CSNK1A1: variants seen among roughly 807,000 people sequenced by gnomAD.
The protein encoded by CSNK1A1 is casein kinase 1 alpha 1.
Under a neutral mutation model 46.1 loss-of-function variants are expected in CSNK1A1, and 7 were observed. The ratio of observed to expected loss-of-function variants is 0.15; its 90% confidence interval spans 0.09 to 0.29. The LOEUF (loss-of-function observed/expected upper bound fraction) is 0.29. Among genes scored for constraint, CSNK1A1 ranks in the 10% least tolerant of loss-of-function variants. CSNK1A1 has a pLI of 1.00. For missense variants in CSNK1A1, 96 were observed against 417.1 expected, an observed-to-expected ratio of 0.23 and a Z score of 6.71; for synonymous variants, 137 against 141.5, an observed-to-expected ratio of 0.97 and a Z score of 0.23.
intron 9 of CSNK1A1, chr5:149,499,093 G>C: frequency 4.1e-6 from 4 of 985,346 alleles, no homozygotes; most frequent in Non-Finnish European, 4.8e-6. Flanking sequence ...AGATGTTACT[G>C]AAGTATGTTT....
At chr5:149,518,740 A>G (rs1378168253) in intron 4 of CSNK1A1, among the ~76,000 whole-genome samples, 3 of 151,934 alleles carry the variant, frequency 2.0e-5, no homozygotes, top group African/African-American at 7.3e-5. Context: ...TCACCACTAG[A>G]TAACTTACAC....
chr5:149,533,619 G>A (rs1158698278), intron 2 of CSNK1A1, among the ~76,000 whole-genome samples: 6 of 151,130 alleles, frequency 4.0e-5, no homozygotes, highest in Non-Finnish European at 5.9e-5. Flanking sequence ...TATTTTCCCC[G>A]TAATACCCAA....
intron 2 of CSNK1A1, among the ~76,000 whole-genome samples, chr5:149,548,022 C>T (rs1280372115): frequency 6.6e-6 from 1 of 152,044 alleles, no homozygotes; most frequent in Non-Finnish European, 1.5e-5. Context: ...AGGCACGTGC[C>T]ACCATGCTCA....
chr5:149,494,382 C>T lies in CSNK1A1; in HGVS notation c.*2471G>A, dbSNP rs1760599925. On this transcript the variant is annotated 3_prime_UTR_variant, in exon 10 of 10. Coordinates refer to ENST00000377843, the MANE Select transcript of CSNK1A1 (RefSeq NM_001892.6). Reference sequence around the variant, plus strand: ...TATTTCTTGTTATACCTTCCCAAAACAGAGACATTCAACAGTAGTTAGAAT... The same window carrying T: ...TATTTCTTGTTATACCTTCCCAAAATAGAGACATTCAACAGTAGTTAGAAT... 6.6e-6 allele frequency: 1 copy of T among 152,116 alleles called. No individual in the cohort carries two copies. The highest frequency in any genetic ancestry group is 6.5e-5 in the Admixed American group (1 of 15,270). 9.4% of individuals were successfully genotyped at this position (152,116 alleles called of 1,614,324 possible).
intron 2 of CSNK1A1, among the ~76,000 whole-genome samples, chr5:149,549,843 A>G (rs1401962909): frequency 6.6e-6 from 1 of 152,216 alleles, no homozygotes; most frequent in African/African-American, 2.4e-5. Context: ...AGCCTCGGGA[A>G]GAGTGAGAAT....
chr5:149,501,624 T>A (rs1760859420), intron 9 of CSNK1A1: 1 of 985,098 alleles, frequency 1.0e-6, no homozygotes, highest in Admixed American at 6.1e-5. Flanking sequence ...GCTTAGTAAC[T>A]ATGGTTAGGG....
intron 3 of CSNK1A1, among the ~76,000 whole-genome samples, chr5:149,522,357 T>C (rs1354834620): frequency 1.3e-5 from 2 of 152,186 alleles, no homozygotes; most frequent in African/African-American, 4.8e-5. Flanking sequence ...GTGATCCTCC[T>C]GCTTCTGCCT....
At position 149,515,197 on chromosome 5, in the gene CSNK1A1, T is replaced by C. The variant is rs143914420; in HGVS notation, c.457-1988A>G. Among the ~76,000 whole-genome samples, 849 of 152,320 alleles carry C rather than the reference T, an allele frequency of 5.6e-3. 11 individuals are homozygous for C. Among genetic ancestry groups the C allele is most frequent in the African/African-American group, 0.019 (789 of 41,570 alleles). On this transcript the variant is annotated intron_variant, in intron 4 of 9. Coordinates refer to ENST00000377843, the MANE Select transcript of CSNK1A1 (RefSeq NM_001892.6). ...CATTGAATGAAGAGTGATTAGTACATAGAATTTCCTCCAGTTCACATTTTC... is the reference window on the plus strand; with the variant it reads ...CATTGAATGAAGAGTGATTAGTACACAGAATTTCCTCCAGTTCACATTTTC...
intron 2 of CSNK1A1, among the ~76,000 whole-genome samples, chr5:149,546,968 GT>G (rs925962319): frequency 1.7e-4 from 25 of 148,988 alleles, no homozygotes; most frequent in Non-Finnish European, 2.4e-4. Flanking sequence ...AGTGGAAACA[GT>G]TTTTTTTTTA....
chr5:149,495,193 T>C lies in CSNK1A1; in HGVS notation c.*1660A>G, dbSNP rs1760616811. ...AATGTGATAATCATGGAATTAATTA[T>C]TGCTAAAGTAGTTTTCAAATAAAAA... On this transcript the variant is annotated 3_prime_UTR_variant, in exon 10 of 10. Transcript: ENST00000377843. 6.6e-6 allele frequency: 1 copy of C among 152,130 alleles called. No individual in the cohort carries two copies. The highest frequency in any genetic ancestry group is 6.5e-5 in the Admixed American group (1 of 15,272). The allele number at this position is 152,130 out of a possible 1,614,324, so 9.4% of individuals were successfully genotyped here.
In CSNK1A1 at chr5:149,550,899, C is replaced by T. The variant is rs1233685085; in HGVS notation, c.66G>A (p.Lys22=). 2 of 1,614,208 alleles carry T rather than the reference C, an allele frequency of 1.2e-6. No individual in the cohort carries two copies. The highest frequency in any genetic ancestry group is 1.6e-4 in the Middle Eastern group (1 of 6,062). The change falls in exon 1 of 10, where the codon AAG becomes AAA. Residue 22 remains lysine (K), a synonymous_variant. Coordinates refer to ENST00000377843, the MANE Select transcript of CSNK1A1 (RefSeq NM_001892.6). The surrounding 1 kb of genome is among the most constrained non-coding windows in gnomAD (Gnocchi z 4.3). ...TGTCCCCGAAGGAGCCAGACCCGAT[C>T]TTCCGTACCAGTTTATATTTCCCTC... ...IVGGKYKLVR[K]IGSGSFGDIY... is the part of the protein sequence containing the mutation.
At chr5:149,500,721 CTGGCTGCTTGTGTGGTTCTGTT>C (rs934437426) in intron 9 of CSNK1A1, among the ~76,000 whole-genome samples, 4 of 151,826 alleles carry the variant, frequency 2.6e-5, no homozygotes, top group Non-Finnish European at 5.9e-5. Flanking sequence ...GCCACAGTGC[CTGGCTGCTTGTGTGGTTCTGTT>C]TGTTGCACAG....
chr5:149,524,736 T>C (rs560243086), intron 3 of CSNK1A1, among the ~76,000 whole-genome samples: 29 of 152,280 alleles, frequency 1.9e-4, no homozygotes, highest in Admixed American at 1.3e-3. Context: ...TATCAACAAT[T>C]ATATGCATAC....
intron 2 of CSNK1A1, among the ~76,000 whole-genome samples, chr5:149,534,287 TC>T (rs1045834510): frequency 6.6e-6 from 1 of 151,530 alleles, no homozygotes; most frequent in Non-Finnish European, 1.5e-5. Flanking sequence ...ATCGAGACCA[TC>T]CTGGCCAACA....
rs1264588542 is a variant in CSNK1A1 at position 149,497,205 on chromosome 5, AAC to A, written c.1007-347_1007-346del. On this transcript the variant is annotated intron_variant, in intron 9 of 9. Coordinates refer to ENST00000377843, the MANE Select transcript of CSNK1A1 (RefSeq NM_001892.6). ...TCACATATTTATCAAATCAATGAAA[AAC>A]AGATTGCTTTGCTTTAACTAAAGAA... 7 of 1,031,124 alleles carry A rather than the reference AAC, an allele frequency of 6.8e-6. No homozygotes were observed. In the African/African-American group the frequency reaches 6.8e-5, roughly 10 times the overall value. 63.9% of individuals were successfully genotyped at this position (1,031,124 alleles called of 1,614,324 possible).
At chr5:149,545,250 TTTTC>T (rs1291447289) in intron 2 of CSNK1A1, 22 of 215,818 alleles carry the variant, frequency 1.0e-4, no homozygotes, top group South Asian at 3.1e-4. Flanking sequence ...GGTCCAAGAA[TTTTC>T]TTTCTTTTTT....
intron 9 of CSNK1A1, among the ~76,000 whole-genome samples, chr5:149,500,725 C>CT (rs1203886503): frequency 1.3e-5 from 2 of 152,014 alleles, no homozygotes; most frequent in East Asian, 3.9e-4. Context: ...CAGTGCCTGG[C>CT]TGCTTGTGTG....
rs1029730103 is a variant in CSNK1A1, at chr5:149,502,107, C to T, written c.1006+3340G>A. 3.1e-6 allele frequency: 3 copies of T among 981,078 alleles called. No homozygotes were observed. The Admixed American group carries it at 1.8e-4, about 60-fold the overall frequency. The allele number at this position is 981,078 out of a possible 1,614,324, so 60.8% of individuals were successfully genotyped here. A position where few individuals can be genotyped will look rare whatever the true frequency, so the allele number is the denominator to read the frequency against. ...GCCCACATTAGCTAGATAAGCCAGA[C>T]TTAAAGAATCTTTAAACATTCTTAT... On this transcript the variant is annotated intron_variant, in intron 9 of 9. Coordinates refer to ENST00000377843, the MANE Select transcript of CSNK1A1 (RefSeq NM_001892.6).
rs188816772 is a variant in CSNK1A1 at position 149,512,123 on chromosome 5, C to T, written c.597-251G>A. On this transcript the variant is annotated intron_variant, in intron 5 of 9. Coordinates refer to ENST00000377843, the MANE Select transcript of CSNK1A1 (RefSeq NM_001892.6). The stretch of plus-strand genomic sequence containing the variant: ...CAATTTAATTTTAAAAGAACAGAAA[C>T]GATTTGGCTAAACAACCCTCTAAAT... Among the ~76,000 whole-genome samples the T allele has an allele frequency of 4.7e-3, 713 of 151,770 alleles. 6 individuals are homozygous for T. Among genetic ancestry groups the T allele is most frequent in the African/African-American group, 0.016 (674 of 41,392 alleles).
Sources: allele counts gnomAD v4.1 joint callset (sites outside exome capture counted in the v4.1 genomes callset), GRCh38; gene constraint gnomAD v4.1.1; non-coding constraint Gnocchi (gnomAD v3.1); transcripts MANE v1.5; gene names NCBI Gene and HGNC (gene_info 2026-07-23, HGNC 2026-07-21).